Variants in ABCC4 observed in about 807,000 individuals in gnomAD.
ABCC4 encodes the protein ATP binding cassette subfamily C member 4 (PEL blood group).
ABCC4 carries 102 observed loss-of-function variants against 168.5 expected under a neutral mutation model. The ratio of observed to expected loss-of-function variants is 0.61; its 90% CI spans 0.52 to 0.71. ABCC4 has a LOEUF of 0.71. Ranked by LOEUF, ABCC4 falls within the 30% of genes least tolerant of loss-of-function variation. The pLI, the probability that ABCC4 is intolerant of heterozygous loss-of-function variation, is 0.00. For missense variants in ABCC4, 1,402 were observed against 1,605.8 expected (o/e 0.87, Z 2.17); for synonymous variants, 617 against 590.7 (o/e 1.04, Z -0.65).
chr13:95,294,034 C>T (rs2041466707), intron 1 of ABCC4, among the ~76,000 whole-genome samples: 2 of 151,950 alleles, frequency 1.3e-5, no homozygotes, highest in Admixed American at 1.3e-4. Flanking sequence ...AGGGAGGCAG[C>T]CACTGTATCG....
chr13:95,049,451 C>T (rs1373151841), intron 27 of ABCC4, among the ~76,000 whole-genome samples: 1 of 151,984 alleles, frequency 6.6e-6, no homozygotes, highest in Admixed American at 6.6e-5. Context: ...ACCAGCCTGG[C>T]CAACATGGTG....
chr13:95,193,358 G>A (rs538446294), intron 9 of ABCC4, among the ~76,000 whole-genome samples: 1 of 152,324 alleles, frequency 6.6e-6, no homozygotes, highest in African/African-American at 2.4e-5. Flanking sequence ...AGCTGTTCCA[G>A]TACCCTCAGA....
intron 13 of ABCC4, among the ~76,000 whole-genome samples, chr13:95,176,359 G>C (rs2037702146): frequency 6.6e-6 from 1 of 151,670 alleles, no homozygotes; most frequent in South Asian, 2.1e-4. Flanking sequence ...GCTGGGCATG[G>C]TGGTGCTAGC....
intron 1 of ABCC4, 25 bp from the exon 2 acceptor site, chr13:95,247,778 A>T: frequency 6.3e-7 from 1 of 1,580,126 alleles, no homozygotes; most frequent in South Asian, 1.1e-5. Context: ...AAAGAGACAT[A>T]TATCCAGAAT....
intron 1 of ABCC4, among the ~76,000 whole-genome samples, chr13:95,288,314 A>AT (rs2041312399): frequency 6.6e-6 from 1 of 152,182 alleles, no homozygotes; most frequent in African/African-American, 2.4e-5. Context: ...AGAAATTGAG[A>AT]TTAAGACTAA....
At chr13:95,180,234 A>G (rs1025728602) in intron 11 of ABCC4, among the ~76,000 whole-genome samples, 1 of 152,174 alleles carries the variant, frequency 6.6e-6, no homozygotes, top group Admixed American at 6.5e-5. Flanking sequence ...CAGAAGTTAC[A>G]CTATCTCTTC....
chr13:95,044,472 T>C, intron 27 of ABCC4, 34 bp from the exon 28 acceptor site: 1 of 1,565,496 alleles, frequency 6.4e-7, no homozygotes, highest in Non-Finnish European at 8.7e-7. Context: ...ACTGCTATCA[T>C]TCAAGCCGCT....
rs1678406 is a variant in ABCC4, at chr13:95,074,609, T to C, written c.2807-285A>G. ...CTCATAAGGACATCTCGTACAGTGCTGAGAAATACTTATGTGAAGTGCATC... is the reference window on the plus strand; with the variant it reads ...CTCATAAGGACATCTCGTACAGTGCCGAGAAATACTTATGTGAAGTGCATC... On this transcript the variant is annotated intron_variant, in intron 22 of 30. Transcript: ENST00000645237. Among the ~76,000 whole-genome samples the C allele has an allele frequency of 8.8e-3, 1,346 of 152,346 alleles. 20 individuals carry two copies. Among genetic ancestry groups the C allele is most frequent in the African/African-American group, 0.03 (1,257 of 41,578 alleles).
At chr13:95,175,935 T>C (rs569569282) in intron 13 of ABCC4, among the ~76,000 whole-genome samples, 3 of 151,946 alleles carry the variant, frequency 2.0e-5, no homozygotes, top group Non-Finnish European at 2.9e-5. Flanking sequence ...ACCTTCTCTA[T>C]CCCCCACCAC....
chr13:95,115,864 T>G, intron 20 of ABCC4, 58 bp downstream of exon 20: 1 of 1,488,074 alleles, frequency 6.7e-7, no homozygotes, highest in South Asian at 1.2e-5. Flanking sequence ...GAAAAGGGCT[T>G]GAAAAAATAG....
intron 4 of ABCC4, among the ~76,000 whole-genome samples, chr13:95,215,399 T>TA (rs1374925721): frequency 5.3e-5 from 8 of 150,742 alleles, no homozygotes; most frequent in African/African-American, 7.3e-5. Flanking sequence ...AGGCCTTGTC[T>TA]AAAAAAAAAT....
chr13:95,185,553 C>T (rs2038030941), intron 11 of ABCC4, among the ~76,000 whole-genome samples: 1 of 152,200 alleles, frequency 6.6e-6, no homozygotes, highest in Non-Finnish European at 1.5e-5. Context: ...TGGCTGGAAG[C>T]CTTCTGCATC....
rs2041473880 is a variant in ABCC4 at position 95,294,348 on chromosome 13, G to T, written c.74+6893C>A. On this transcript the variant is annotated intron_variant, in intron 1 of 30. Coordinates refer to ENST00000645237, the MANE Select transcript of ABCC4 (RefSeq NM_005845.5). Reference sequence around the variant, plus strand: ...ACTGCACTCTAGCCTGCAAGACAGAGATAGACTCCGTCTCAAAAAAGAAAA... The same window carrying T: ...ACTGCACTCTAGCCTGCAAGACAGATATAGACTCCGTCTCAAAAAAGAAAA... 2.0e-5 allele frequency among the ~76,000 whole-genome samples: 3 copies of T among 151,102 alleles called. No individual in the cohort carries two copies. The South Asian group carries it at 6.3e-4, about 32-fold the overall frequency.
At chr13:95,060,159 T>A (rs2033229940) in intron 26 of ABCC4, among the ~76,000 whole-genome samples, 1 of 152,168 alleles carries the variant, frequency 6.6e-6, no homozygotes, top group Non-Finnish European at 1.5e-5. Flanking sequence ...CATACAAAGT[T>A]AAAAAGGAAA....
intron 1 of ABCC4, among the ~76,000 whole-genome samples, chr13:95,271,526 T>G (rs780272781): frequency 6.6e-6 from 1 of 152,186 alleles, no homozygotes; most frequent in African/African-American, 2.4e-5. Flanking sequence ...TATTACTCTA[T>G]AAAACCACAG....
intron 4 of ABCC4, among the ~76,000 whole-genome samples, chr13:95,230,881 A>C (rs1292661510): frequency 1.3e-5 from 2 of 152,202 alleles, no homozygotes; most frequent in Admixed American, 1.3e-4. Flanking sequence ...AAATAACCCA[A>C]ATGTCCGGTG....
chr13:95,175,017 A>G (rs1021858294), intron 13 of ABCC4, among the ~76,000 whole-genome samples: 1 of 152,208 alleles, frequency 6.6e-6, no homozygotes, highest in African/African-American at 2.4e-5. Context: ...TTGTGCAACC[A>G]TCACCATCAT....
intron 26 of ABCC4, among the ~76,000 whole-genome samples, chr13:95,060,140 A>G (rs1440463600): frequency 2.6e-5 from 4 of 152,230 alleles, no homozygotes; most frequent in Non-Finnish European, 4.4e-5. Context: ...TGAGCCTTGG[A>G]GACAAAGCCA....
At chr13:95,188,626 T>A (rs1052621910) in intron 9 of ABCC4, 84 bp from the exon 10 acceptor site, 6 of 1,092,310 alleles carry the variant, frequency 5.5e-6, no homozygotes, top group Non-Finnish European at 8.1e-6. Flanking sequence ...AATACAACAG[T>A]CATTGATACA....
Sources: gnomAD v4.1 joint callset for allele counts (sites outside exome capture counted in the v4.1 genomes callset) on GRCh38, gnomAD v4.1.1 for gene constraint, MANE v1.5 for transcripts, NCBI Gene and HGNC (gene_info 2026-07-23, HGNC 2026-07-21) for gene names.